GHR: variants seen among roughly 807,000 people sequenced by gnomAD.
GHR encodes GH receptor.
A neutral mutation model predicts 67.1 loss-of-function variants in GHR; 35 were observed. The ratio of observed to expected loss-of-function variants is 0.52; its 90% CI spans 0.40 to 0.69. The LOEUF (loss-of-function observed/expected upper bound fraction) is 0.69. GHR is among the 30% of genes least tolerant of loss of function. The pLI, the probability that GHR is intolerant of heterozygous loss-of-function variation, is 0.00. For missense variants in GHR, 792 were observed against 764.6 expected, an observed-to-expected ratio of 1.04 and a Z score of -0.42; for synonymous variants, 272 against 269.1, an observed-to-expected ratio of 1.01 and a Z score of -0.10.
At position 42,424,916 on chromosome 5, in the gene GHR, C is replaced by A; in HGVS notation, c.-12+961C>A. 3 of 790,910 alleles carry A rather than the reference C, an allele frequency of 3.8e-6. No homozygotes were observed. The highest frequency in any genetic ancestry group is 4.6e-6 in the Non-Finnish European group (3 of 652,302). 49.0% of individuals were successfully genotyped at this position (790,910 alleles called of 1,614,324 possible). ...TACGTGTGCGCTGTGTGTGCGCGCG[C>A]GAGTGTGCGCCTGGGGAGGCGTGTC... On this transcript the variant is annotated intron_variant, in intron 1 of 9. Transcript: ENST00000230882. The surrounding 1 kb of genome is among the most constrained non-coding windows in gnomAD (Gnocchi z 4.1).
intron 1 of GHR, among the ~76,000 whole-genome samples, chr5:42,433,875 G>A (rs1214087240): frequency 1.3e-5 from 2 of 151,368 alleles, no homozygotes; most frequent in Non-Finnish European, 2.9e-5. Context: ...GTACCAGGCT[G>A]TGGATTTGTT....
At chr5:42,652,396 A>G (rs1219413188) in intron 3 of GHR, among the ~76,000 whole-genome samples, 3 of 152,092 alleles carry the variant, frequency 2.0e-5, no homozygotes, top group African/African-American at 7.2e-5. Context: ...TTCTTACCCT[A>G]TGATTTCATT....
At chr5:42,434,902 A>C (rs1235368188) in intron 1 of GHR, among the ~76,000 whole-genome samples, 5 of 152,192 alleles carry the variant, frequency 3.3e-5, no homozygotes, top group African/African-American at 9.7e-5. Context: ...GGATTCACAC[A>C]AATCTGCTTG....
chr5:42,685,629 C>T (rs1445959219), intron 3 of GHR, among the ~76,000 whole-genome samples: 11 of 152,122 alleles, frequency 7.2e-5, no homozygotes, highest in Non-Finnish European at 1.2e-4. Flanking sequence ...TTTTAATGAT[C>T]GCCATTCTAA....
chr5:42,597,567 T>G (rs1166844700), intron 2 of GHR, among the ~76,000 whole-genome samples: 1 of 152,124 alleles, frequency 6.6e-6, no homozygotes, highest in African/African-American at 2.4e-5. Flanking sequence ...AAAGACTTAC[T>G]AGGTCCTGCA....
chr5:42,709,262 T>G (rs920678758), intron 6 of GHR, among the ~76,000 whole-genome samples: 10 of 152,138 alleles, frequency 6.6e-5, no homozygotes, highest in Non-Finnish European at 1.5e-5. Context: ...GACTCCTGAG[T>G]AGCTAGGATT....
At chr5:42,714,572 G>T (rs1164832613) in intron 8 of GHR, among the ~76,000 whole-genome samples, 1 of 152,158 alleles carries the variant, frequency 6.6e-6, no homozygotes, top group Non-Finnish European at 1.5e-5. Flanking sequence ...CATGCTAAAA[G>T]TCTAACTGAA....
At chr5:42,506,515 T>G (rs547301285) in intron 1 of GHR, among the ~76,000 whole-genome samples, 1 of 152,332 alleles carries the variant, frequency 6.6e-6, no homozygotes, top group East Asian at 1.9e-4. Flanking sequence ...ATATATTCAT[T>G]AGTTCTTTCC....
At chr5:42,622,735 A>G (rs1308170453) in intron 2 of GHR, among the ~76,000 whole-genome samples, 1 of 152,182 alleles carries the variant, frequency 6.6e-6, no homozygotes, top group Non-Finnish European at 1.5e-5. Context: ...CTGGTGAATT[A>G]TGATTCTTGC....
chr5:42,679,274 A>G (rs1458374393), intron 3 of GHR, among the ~76,000 whole-genome samples: 1 of 149,730 alleles, frequency 6.7e-6, no homozygotes. Flanking sequence ...ATACATATAA[A>G]TAATTTTCCT....
chr5:42,484,715 A>G (rs374537247), intron 1 of GHR, among the ~76,000 whole-genome samples: 1 of 152,224 alleles, frequency 6.6e-6, no homozygotes, highest in Non-Finnish European at 1.5e-5. Flanking sequence ...GATTCAATAT[A>G]TGAATTTTAC....
intron 2 of GHR, among the ~76,000 whole-genome samples, chr5:42,625,793 T>G (rs1753672050): frequency 7.0e-6 from 1 of 142,058 alleles, no homozygotes; most frequent in South Asian, 2.1e-4. Context: ...TGGCTCTTAG[T>G]TGATTACTGC....
At chr5:42,547,200 T>G (rs1748775852) in intron 1 of GHR, among the ~76,000 whole-genome samples, 1 of 152,238 alleles carries the variant, frequency 6.6e-6, no homozygotes, top group African/African-American at 2.4e-5. Flanking sequence ...TGTCACAGTA[T>G]GGTTTATTGC....
intron 1 of GHR, among the ~76,000 whole-genome samples, chr5:42,440,186 C>T (rs937983189): frequency 3.3e-5 from 5 of 152,168 alleles, no homozygotes; most frequent in Admixed American, 6.5e-5. Flanking sequence ...TAATAAGCAA[C>T]CCAGAAATAG....
chr5:42,710,762 T>G (rs968080713), intron 6 of GHR, among the ~76,000 whole-genome samples: 2 of 152,190 alleles, frequency 1.3e-5, no homozygotes, highest in South Asian at 4.1e-4. Context: ...GGAATTTCCA[T>G]CAAACACTGA....
At chr5:42,514,300 T>A in intron 1 of GHR, 1 of 983,530 alleles carries the variant, frequency 1.0e-6, no homozygotes, top group Non-Finnish European at 1.2e-6. Context: ...GGAGTCCATA[T>A]TGGGAAGATA....
intron 2 of GHR, among the ~76,000 whole-genome samples, chr5:42,594,492 A>G (rs1306437678): frequency 6.6e-6 from 1 of 152,148 alleles, no homozygotes; most frequent in Admixed American, 6.5e-5. Flanking sequence ...AAATGTGAAG[A>G]CTACATTGGA....
At chr5:42,536,588 G>A (rs1748266177) in intron 1 of GHR, among the ~76,000 whole-genome samples, 1 of 152,036 alleles carries the variant, frequency 6.6e-6, no homozygotes, top group African/African-American at 2.4e-5. Context: ...AAAGAGTTTA[G>A]CATCTATGTT....
At chr5:42,653,437 C>T (rs900554763) in intron 3 of GHR, among the ~76,000 whole-genome samples, 7 of 151,994 alleles carry the variant, frequency 4.6e-5, no homozygotes, top group African/African-American at 9.7e-5. Context: ...TTTGCTCATC[C>T]GGGCCCTAGT....
Sources: allele counts gnomAD v4.1 joint callset (sites outside exome capture counted in the v4.1 genomes callset), GRCh38; gene constraint gnomAD v4.1.1; non-coding constraint Gnocchi (gnomAD v3.1); transcripts MANE v1.5; gene names NCBI Gene and HGNC (gene_info 2026-07-23, HGNC 2026-07-21).